Variants in C10orf90 observed in about 807,000 individuals in gnomAD.
C10orf90 encodes the protein (E2-independent) E3 ubiquitin-conjugating enzyme FATS.
A neutral mutation model predicts 62.5 loss-of-function variants in C10orf90; 56 were observed. The ratio of observed to expected loss-of-function variants is 0.90; its 90% CI spans 0.72 to 1.12. The LOEUF (loss-of-function observed/expected upper bound fraction) is 1.12, where lower values mean the gene tolerates loss of function less well. Among genes scored for constraint, C10orf90 ranks in the 50% most tolerant of loss-of-function variants. The pLI, the probability that C10orf90 is intolerant of heterozygous loss-of-function variation, is 0.00. For missense variants in C10orf90, 970 were observed against 880.4 expected, an observed-to-expected ratio of 1.10 and a Z score of -1.29; for synonymous variants, 386 against 340.4, an observed-to-expected ratio of 1.13 and a Z score of -1.47.
intron 1 of C10orf90, among the ~76,000 whole-genome samples, chr10:126,668,125 C>T (rs1846670688): frequency 6.6e-6 from 1 of 152,186 alleles, no homozygotes; most frequent in Non-Finnish European, 1.5e-5. Flanking sequence ...AAATTTGAGT[C>T]TGTAGGTTTT....
intron 2 of C10orf90, among the ~76,000 whole-genome samples, chr10:126,541,142 A>C (rs1267503357): frequency 6.6e-6 from 1 of 152,164 alleles, no homozygotes; most frequent in Non-Finnish European, 1.5e-5. Context: ...CACACAAAAA[A>C]TAAGATGCTT....
At chr10:126,557,903 ACT>A (rs775109576) in intron 2 of C10orf90, among the ~76,000 whole-genome samples, 8 of 145,592 alleles carry the variant, frequency 5.5e-5, no homozygotes, top group Non-Finnish European at 1.2e-4. Flanking sequence ...CCTCCTCCCG[ACT>A]CCTCCTAAGT....
intron 2 of C10orf90, among the ~76,000 whole-genome samples, chr10:126,555,192 A>G (rs1010549431): frequency 1.6e-4 from 25 of 152,152 alleles, no homozygotes; most frequent in Admixed American, 9.8e-4. Context: ...ATTCCTTACT[A>G]ATTCACAACC....
At chr10:126,442,598 G>A (rs1858443972) in intron 7 of C10orf90, among the ~76,000 whole-genome samples, 1 of 105,852 alleles carries the variant, frequency 9.4e-6, no homozygotes, top group Non-Finnish European at 1.9e-5. Flanking sequence ...TGCTGTCAAT[G>A]GAATATTGAA....
chr10:126,597,070 G>A (rs756787935), intron 2 of C10orf90, among the ~76,000 whole-genome samples: 4 of 152,118 alleles, frequency 2.6e-5, no homozygotes, highest in African/African-American at 7.2e-5. Flanking sequence ...CTGAAAATAC[G>A]GAGAAATCTC....
intron 3 of C10orf90, among the ~76,000 whole-genome samples, chr10:126,511,282 C>T (rs1412621907): frequency 6.6e-6 from 1 of 152,210 alleles, no homozygotes; most frequent in Non-Finnish European, 1.5e-5. Context: ...CGTGCAGTTA[C>T]TGAAAACAAC....
chr10:126,457,490 C>A (rs895570299), intron 7 of C10orf90, among the ~76,000 whole-genome samples: 1 of 152,152 alleles, frequency 6.6e-6, no homozygotes, highest in Non-Finnish European at 1.5e-5. Flanking sequence ...GAACAGGTTC[C>A]CTAAGGTCTC....
chr10:126,567,048 A>C (rs1301801950), intron 2 of C10orf90, among the ~76,000 whole-genome samples: 1 of 152,122 alleles, frequency 6.6e-6, no homozygotes, highest in Non-Finnish European at 1.5e-5. Context: ...GTGAACATGG[A>C]GCTCAGAGGG....
chr10:126,602,244 G>A (rs758508876), intron 2 of C10orf90, among the ~76,000 whole-genome samples: 23 of 152,084 alleles, frequency 1.5e-4, no homozygotes, highest in Non-Finnish European at 2.5e-4. Context: ...GCTACAATAG[G>A]GTTGCTGGAT....
At chr10:126,489,333 A>G (rs1487476950) in intron 4 of C10orf90, among the ~76,000 whole-genome samples, 2 of 152,110 alleles carry the variant, frequency 1.3e-5, no homozygotes, top group Non-Finnish European at 2.9e-5. Flanking sequence ...AATGCATAAA[A>G]AAGTTCTCAA....
intron 2 of C10orf90, among the ~76,000 whole-genome samples, chr10:126,541,464 A>C (rs1243475752): frequency 6.6e-6 from 1 of 152,224 alleles, no homozygotes; most frequent in Non-Finnish European, 1.5e-5. Flanking sequence ...TAAAGGTTTA[A>C]TATCCAGAAC....
At chr10:126,641,547 T>G (rs1344921336) in intron 2 of C10orf90, among the ~76,000 whole-genome samples, 1 of 152,010 alleles carries the variant, frequency 6.6e-6, no homozygotes, top group Non-Finnish European at 1.5e-5. Context: ...ATCATTTCCC[T>G]CTCTATTTAC....
Position 126,651,817 on chromosome 10 carries a change from T to C in C10orf90, c.241-5180A>G, listed in dbSNP as rs140438235. The stretch of plus-strand genomic sequence containing the variant: ...CAAAGACCAAAGGTGGATTTTTGGC[T>C]GCATCTTCTCTTTAAGATAAAGATA... On this transcript the variant is annotated intron_variant, in intron 1 of 9. Transcript: ENST00000488181. Among the ~76,000 whole-genome samples the C allele has an allele frequency of 2.9e-3, 444 of 152,334 alleles. 1 individual carries two copies. Among genetic ancestry groups the C allele is most frequent in the African/African-American group, 1.0e-2 (415 of 41,570 alleles).
At chr10:126,598,989 C>G (rs956199713) in intron 2 of C10orf90, among the ~76,000 whole-genome samples, 9 of 152,176 alleles carry the variant, frequency 5.9e-5, no homozygotes, top group East Asian at 3.9e-4. Flanking sequence ...TGTTGGCAAA[C>G]TTCTCATTGC....
intron 2 of C10orf90, among the ~76,000 whole-genome samples, chr10:126,603,872 T>G (rs1845251326): frequency 6.6e-6 from 1 of 152,190 alleles, no homozygotes. Flanking sequence ...ACGAGCCATA[T>G]GCAGAGGGAG....
At chr10:126,510,132 C>T (rs1863012653) in intron 3 of C10orf90, among the ~76,000 whole-genome samples, 1 of 152,162 alleles carries the variant, frequency 6.6e-6, no homozygotes, top group Non-Finnish European at 1.5e-5. Flanking sequence ...CCTCACTTAA[C>T]CTTAATCACT....
At chr10:126,639,395 T>G (rs1038637083) in intron 2 of C10orf90, among the ~76,000 whole-genome samples, 1 of 152,194 alleles carries the variant, frequency 6.6e-6, no homozygotes, top group African/African-American at 2.4e-5. Context: ...CAAAAACCAG[T>G]GCCAGACGCC....
At chr10:126,466,371 AAC>A (rs10573171) in intron 4 of C10orf90, among the ~76,000 whole-genome samples, 70,476 of 149,916 alleles carry the variant, frequency 0.47, 17,260 homozygotes, top group African/African-American at 0.63. Context: ...CACACACACA[AAC>A]ACACACACAC....
chr10:126,484,334 G>A (rs1320497549), intron 4 of C10orf90, among the ~76,000 whole-genome samples: 5 of 152,012 alleles, frequency 3.3e-5, no homozygotes, highest in African/African-American at 7.2e-5. Context: ...GGATTTAGGG[G>A]TCCCTATACA....
Sources: gnomAD v4.1 joint callset for allele counts (sites outside exome capture counted in the v4.1 genomes callset) on GRCh38, gnomAD v4.1.1 for gene constraint, MANE v1.5 for transcripts, NCBI Gene and HGNC (gene_info 2026-07-23, HGNC 2026-07-21) for gene names.